VDAC1: variants seen among roughly 807,000 people sequenced by gnomAD.
VDAC1 encodes the protein non-selective voltage-gated ion channel VDAC1.
In VDAC1, 10 loss-of-function variants were observed where a neutral mutation model predicts 34.7. The ratio of observed to expected loss-of-function variants is 0.29; its 90% CI spans 0.18 to 0.49. The LOEUF (loss-of-function observed/expected upper bound fraction) is 0.49. VDAC1 is among the 20% of genes least tolerant of loss of function. VDAC1 has a pLI of 0.99. For synonymous variants in VDAC1, 130 were observed against 136.0 expected, an observed-to-expected ratio of 0.96 and a Z score of 0.30; for missense variants, 230 against 347.9, an observed-to-expected ratio of 0.66 and a Z score of 2.69.
the VDAC1 span, among the ~76,000 whole-genome samples, chr5:134,060,550 T>C: frequency 1.1e-4 from 17 of 151,984 alleles, no homozygotes; most frequent in East Asian, 3.3e-3. Context: ...CATTGAAAAG[T>C]ACAGAAAATA....
chr5:134,004,490 C>T (rs1350325059), intron 1 of VDAC1: 1 of 153,306 alleles, frequency 6.5e-6, no homozygotes, highest in Non-Finnish European at 1.4e-5. Flanking sequence ...CGCTCACCAG[C>T]CAGGCCCGCG....
the VDAC1 span, among the ~76,000 whole-genome samples, chr5:134,072,418 G>A: frequency 1.3e-5 from 2 of 152,190 alleles, no homozygotes; most frequent in African/African-American, 2.4e-5. Flanking sequence ...CTTTGTGGTA[G>A]GTAACAGAGC....
intron 6 of VDAC1, among the ~76,000 whole-genome samples, chr5:133,976,623 C>A (rs1214551795): frequency 6.8e-6 from 1 of 146,802 alleles, no homozygotes; most frequent in Non-Finnish European, 1.5e-5. Context: ...GCTTGGGCAA[C>A]AGAGCGAGAT....
At chr5:133,979,022 T>A (rs1013633360) in intron 6 of VDAC1, among the ~76,000 whole-genome samples, 1 of 151,926 alleles carries the variant, frequency 6.6e-6, no homozygotes, top group Non-Finnish European at 1.5e-5. Context: ...ATAATAATAA[T>A]AAATAAATAA....
At chr5:134,056,649 T>C in the VDAC1 span, among the ~76,000 whole-genome samples, 1 of 152,124 alleles carries the variant, frequency 6.6e-6, no homozygotes, top group African/African-American at 2.4e-5. Context: ...TGTGTTATTC[T>C]TGGGATTGCA....
chr5:134,108,958 T>G, the VDAC1 span, among the ~76,000 whole-genome samples: 1 of 152,168 alleles, frequency 6.6e-6, no homozygotes, highest in African/African-American at 2.4e-5. Flanking sequence ...CCTCCCTAAC[T>G]GCCATGTTGT....
chr5:134,092,675 CAAAAA>C, the VDAC1 span, among the ~76,000 whole-genome samples: 1 of 97,020 alleles, frequency 1.0e-5, no homozygotes, highest in East Asian at 2.9e-4. Flanking sequence ...GATTCCGTCT[CAAAAA>C]AAAAAAAAAA....
At chr5:134,089,660 T>C in the VDAC1 span, among the ~76,000 whole-genome samples, 4 of 149,462 alleles carry the variant, frequency 2.7e-5, no homozygotes, top group African/African-American at 1.0e-4. Context: ...TTTGAAAATG[T>C]GGCTCATGGC....
At chr5:134,045,367 G>A in the VDAC1 span, among the ~76,000 whole-genome samples, 3 of 152,198 alleles carry the variant, frequency 2.0e-5, no homozygotes, top group Non-Finnish European at 2.9e-5. Context: ...ACAGCAAAAT[G>A]TCTTCTATTA....
At chr5:134,050,022 C>T in the VDAC1 span, among the ~76,000 whole-genome samples, 2 of 152,218 alleles carry the variant, frequency 1.3e-5, no homozygotes, top group Non-Finnish European at 1.5e-5. Flanking sequence ...AGGCTGAGGA[C>T]GGCGGATCAT....
chr5:133,984,272 G>A (rs553518914), intron 5 of VDAC1, among the ~76,000 whole-genome samples: 2 of 152,150 alleles, frequency 1.3e-5, no homozygotes, highest in African/African-American at 4.8e-5. Flanking sequence ...TGTTGCCTAG[G>A]CTGGTCTCCA....
chr5:134,060,832 T>C, the VDAC1 span, among the ~76,000 whole-genome samples: 1 of 151,174 alleles, frequency 6.6e-6, no homozygotes, highest in African/African-American at 2.4e-5. Flanking sequence ...AACGATATAG[T>C]AGACATACTT....
chr5:134,073,332 G>T, the VDAC1 span, among the ~76,000 whole-genome samples: 5 of 152,184 alleles, frequency 3.3e-5, no homozygotes, highest in East Asian at 9.6e-4. Flanking sequence ...GCATCGCATG[G>T]GAACTTGCTA....
Position 133,999,342 on chromosome 5 carries a change from AAAC to A in VDAC1, c.-7+5550_-7+5552del, listed in dbSNP as rs374360505. On this transcript the variant is annotated intron_variant, in intron 1 of 8. Transcript: ENST00000265333. ...AGGAAGTTGTTACAAGGAATGAGTGAAACAGGCAGAACAGCAGAAGTATCTGGC... is the reference window on the plus strand; with the variant it reads ...AGGAAGTTGTTACAAGGAATGAGTGAAGGCAGAACAGCAGAAGTATCTGGC... Among the ~76,000 whole-genome samples, 57 of 152,264 alleles carry A rather than the reference AAAC, an allele frequency of 3.7e-4. 1 individual carries two copies. Among genetic ancestry groups the A allele is most frequent in the African/African-American group, 1.3e-3 (55 of 41,552 alleles).
At chr5:134,017,818 CAGG>C in the VDAC1 span, among the ~76,000 whole-genome samples, 2 of 152,062 alleles carry the variant, frequency 1.3e-5, no homozygotes, top group South Asian at 2.1e-4. Context: ...GAGGCTGAGG[CAGG>C]AGAATGGTGT....
At chr5:134,030,416 G>C in the VDAC1 span, among the ~76,000 whole-genome samples, 1 of 152,064 alleles carries the variant, frequency 6.6e-6, no homozygotes, top group African/African-American at 2.4e-5. Flanking sequence ...CATCATGTTG[G>C]ACAGGGAGGC....
intron 6 of VDAC1, among the ~76,000 whole-genome samples, chr5:133,979,187 T>G (rs2126913834): frequency 6.6e-6 from 1 of 152,270 alleles, no homozygotes; most frequent in Non-Finnish European, 1.5e-5. Flanking sequence ...TTGTTGCTTA[T>G]TTAAAATGCT....
the VDAC1 span, among the ~76,000 whole-genome samples, chr5:134,099,006 G>A: frequency 6.6e-6 from 1 of 152,238 alleles, no homozygotes; most frequent in African/African-American, 2.4e-5. Flanking sequence ...AGGGAGACCA[G>A]GCGCCGCTGG....
the VDAC1 span, among the ~76,000 whole-genome samples, chr5:134,085,645 CG>C: frequency 3.6e-5 from 5 of 137,988 alleles, no homozygotes; most frequent in African/African-American, 1.3e-4. Flanking sequence ...CCCAGCCCTC[CG>C]GAAGGCAAAG....
Sources: gnomAD v4.1 joint callset for allele counts (sites outside exome capture counted in the v4.1 genomes callset) on GRCh38, gnomAD v4.1.1 for gene constraint, MANE v1.5 for transcripts, NCBI Gene and HGNC (gene_info 2026-07-23, HGNC 2026-07-21) for gene names.